Variants in CNTNAP2 observed in about 807,000 individuals in gnomAD.
The protein encoded by CNTNAP2 is contactin associated protein 2, also known as contactin-associated protein-like 2.
A neutral mutation model predicts 155.2 loss-of-function variants in CNTNAP2; 98 were observed. The observed-to-expected ratio is 0.63, with a 90% CI of 0.54 to 0.75. The LOEUF (loss-of-function observed/expected upper bound fraction) is 0.75. Among genes scored for constraint, CNTNAP2 ranks in the 30% least tolerant of loss-of-function variants. The probability of loss-of-function intolerance (pLI) is 0.00; values close to 1 mark genes in which losing one functional copy is unlikely to be tolerated. For synonymous variants in CNTNAP2, 651 were observed against 631.2 expected (o/e 1.03, Z -0.47); for missense variants, 1,727 against 1,688.1 (o/e 1.02, Z -0.40).
intron 13 of CNTNAP2, among the ~76,000 whole-genome samples, chr7:147,684,600 G>A (rs544973355): frequency 2.0e-5 from 3 of 151,860 alleles, no homozygotes; most frequent in East Asian, 1.9e-4. Context: ...TAGAATAATC[G>A]TTGATGGCCC....
Position 147,364,658 on chromosome 7 carries a change from G to A in CNTNAP2, c.1499-30951G>A, listed in dbSNP as rs184305926. On this transcript the variant is annotated intron_variant, in intron 9 of 23. Coordinates refer to ENST00000361727, the MANE Select transcript of CNTNAP2 (RefSeq NM_014141.6). ...AGGTCAGGAGATTGAGACCATCCTGGCTAACACGGTGAAACCCCGTCTCTG... is the reference window on the plus strand; with the variant it reads ...AGGTCAGGAGATTGAGACCATCCTGACTAACACGGTGAAACCCCGTCTCTG... Among the ~76,000 whole-genome samples the A allele has an allele frequency of 4.6e-5, 7 of 152,236 alleles. No individual in the cohort carries two copies. The East Asian group carries it at 1.4e-3, about 30-fold the overall frequency.
intron 13 of CNTNAP2, among the ~76,000 whole-genome samples, chr7:147,788,502 A>T (rs1797770770): frequency 6.6e-6 from 1 of 152,208 alleles, no homozygotes; most frequent in South Asian, 2.1e-4. Context: ...TACTTCAGTG[A>T]TGTTTATGCT....
chr7:147,005,126 A>G (rs1798502290), intron 3 of CNTNAP2, among the ~76,000 whole-genome samples: 1 of 152,076 alleles, frequency 6.6e-6, no homozygotes, highest in African/African-American at 2.4e-5. Context: ...TTTTAAAATG[A>G]TCCAAAATAT....
intron 9 of CNTNAP2, among the ~76,000 whole-genome samples, chr7:147,306,338 C>G (rs907707555): frequency 6.6e-6 from 1 of 152,134 alleles, no homozygotes; most frequent in African/African-American, 2.4e-5. Flanking sequence ...AAGTTAGAGG[C>G]ATTCAAACAA....
intron 1 of CNTNAP2, among the ~76,000 whole-genome samples, chr7:146,677,487 A>T (rs1177342794): frequency 6.6e-6 from 1 of 152,080 alleles, no homozygotes; most frequent in African/African-American, 2.4e-5. Context: ...TTACCTTCGG[A>T]ATGCCCTTGG....
intron 8 of CNTNAP2, among the ~76,000 whole-genome samples, chr7:147,245,450 G>T (rs1346547778): frequency 6.6e-6 from 1 of 151,906 alleles, no homozygotes; most frequent in African/African-American, 2.4e-5. Flanking sequence ...GTTTCATCCC[G>T]GGTTGGTCCA....
chr7:148,004,136 T>C (rs188136235), intron 15 of CNTNAP2, among the ~76,000 whole-genome samples: 2 of 152,318 alleles, frequency 1.3e-5, no homozygotes, highest in African/African-American at 4.8e-5. Context: ...TTGTAATAAG[T>C]ATACAAAATC....
chr7:146,929,530 G>A (rs558216126), intron 3 of CNTNAP2, among the ~76,000 whole-genome samples: 23 of 152,290 alleles, frequency 1.5e-4, no homozygotes, highest in East Asian at 7.7e-4. Flanking sequence ...AAAGCAGAGC[G>A]CCTCTCCTCC....
chr7:147,106,997 C>G (rs918835541), intron 4 of CNTNAP2, among the ~76,000 whole-genome samples: 5 of 152,140 alleles, frequency 3.3e-5, no homozygotes, highest in Non-Finnish European at 7.4e-5. Flanking sequence ...AGTTCTTTAG[C>G]CAGACCTTAC....
At chr7:147,158,632 A>T (rs1446922673) in intron 8 of CNTNAP2, among the ~76,000 whole-genome samples, 2 of 152,126 alleles carry the variant, frequency 1.3e-5, no homozygotes. Context: ...AAATAAATGT[A>T]GGTGTTTGTG....
At chr7:146,768,095 G>A (rs1802229423) in intron 1 of CNTNAP2, among the ~76,000 whole-genome samples, 1 of 152,044 alleles carries the variant, frequency 6.6e-6, no homozygotes, top group African/African-American at 2.4e-5. Flanking sequence ...AATGTGATAT[G>A]TGAAAATTAG....
chr7:148,128,874 C>G (rs1207054031), intron 16 of CNTNAP2, among the ~76,000 whole-genome samples: 1 of 152,130 alleles, frequency 6.6e-6, no homozygotes, highest in Non-Finnish European at 1.5e-5. Context: ...ACCACCCAGG[C>G]CTCCTGACCA....
chr7:147,988,229 T>C (rs1255105474), intron 15 of CNTNAP2, among the ~76,000 whole-genome samples: 1 of 152,212 alleles, frequency 6.6e-6, no homozygotes. Flanking sequence ...ATACCAAAGT[T>C]CTTTTGAAGT....
In CNTNAP2 at chr7:147,398,589, C is replaced by CTTTTTTTTT. The variant is rs58507416; in HGVS notation, c.1670+2820_1670+2828dup. On this transcript the variant is annotated intron_variant, in intron 10 of 23. Transcript: ENST00000361727. Reference sequence around the variant, plus strand: ...GTATTGGAATACCCTACGATTTGAACTTTTTTTTTTTTTTTTTTTGCTTTG... The same window carrying CTTTTTTTTT: ...GTATTGGAATACCCTACGATTTGAACTTTTTTTTTTTTTTTTTTTTTTTTTTTTGCTTTG... Among the ~76,000 whole-genome samples the CTTTTTTTTT allele has an allele frequency of 5.7e-5, 5 of 87,720 alleles. 1 individual carries two copies. The highest frequency in any genetic ancestry group is 4.5e-5 in the African/African-American group (1 of 22,050). The allele number at this position is 87,720 out of a possible 152,430, so 57.5% of individuals were successfully genotyped here.
intron 10 of CNTNAP2, among the ~76,000 whole-genome samples, chr7:147,430,658 A>T (rs1188657996): frequency 6.6e-6 from 1 of 152,220 alleles, no homozygotes; most frequent in Non-Finnish European, 1.5e-5. Flanking sequence ...GCAATTAAAC[A>T]GTAAAGAAAT....
chr7:147,551,777 T>C, intron 11 of CNTNAP2, among the ~76,000 whole-genome samples: 1 of 152,152 alleles, frequency 6.6e-6, no homozygotes, highest in Admixed American at 6.5e-5. Flanking sequence ...TCGATGGGTG[T>C]TCTCTATTTC....
At chr7:147,666,277 C>T (rs779304417) in intron 13 of CNTNAP2, among the ~76,000 whole-genome samples, 8 of 152,132 alleles carry the variant, frequency 5.3e-5, no homozygotes, top group African/African-American at 1.2e-4. Context: ...AACAACATTT[C>T]GGTCAACTAC....
intron 13 of CNTNAP2, among the ~76,000 whole-genome samples, chr7:147,869,627 A>C (rs932406764): frequency 2.0e-5 from 3 of 152,220 alleles, no homozygotes; most frequent in African/African-American, 7.2e-5. Flanking sequence ...AAGGAAGGGA[A>C]GTGAAAAAAT....
intron 1 of CNTNAP2, among the ~76,000 whole-genome samples, chr7:146,477,330 T>A (rs1478919149): frequency 6.6e-6 from 1 of 152,198 alleles, no homozygotes. Flanking sequence ...TCTAACTGCT[T>A]TGTGAATGTG....
Sources: gnomAD v4.1 joint callset for allele counts (sites outside exome capture counted in the v4.1 genomes callset) on GRCh38, gnomAD v4.1.1 for gene constraint, MANE v1.5 for transcripts, NCBI Gene and HGNC (gene_info 2026-07-23, HGNC 2026-07-21) for gene names.